Variants in TAFA4 observed in about 807,000 individuals in gnomAD.
TAFA4 encodes chemokine-like protein TAFA-4.
Under a neutral mutation model 21.1 loss-of-function variants are expected in TAFA4, and 20 were observed. The ratio of observed to expected loss-of-function variants is 0.95; its 90% CI spans 0.67 to 1.38. The LOEUF (loss-of-function observed/expected upper bound fraction) is 1.38. Among genes scored for constraint, TAFA4 ranks in the 40% most tolerant of loss-of-function variants. The pLI is 0.00. For missense variants in TAFA4, 211 were observed against 180.9 expected (o/e 1.17, Z -0.95); for synonymous variants, 71 against 67.4 (o/e 1.05, Z -0.26).
rs369649050 is a variant in TAFA4, at chr3:68,732,966, C to A, written c.*176G>T. ...GTTATAATTCAATGAAATAAAATCACGAAGCAGAGAGGGCTGGGCCAGTTA... is the reference window on the plus strand; with the variant it reads ...GTTATAATTCAATGAAATAAAATCAAGAAGCAGAGAGGGCTGGGCCAGTTA... On this transcript the variant is annotated 3_prime_UTR_variant, in exon 6 of 6. Coordinates refer to ENST00000295569, the MANE Select transcript of TAFA4 (RefSeq NM_182522.5). 6.0e-6 allele frequency: 4 copies of A among 669,802 alleles called. No homozygotes were observed. Among genetic ancestry groups the A allele is most frequent in the African/African-American group, 5.4e-5 (3 of 55,254 alleles). The allele number at this position is 669,802 out of a possible 1,614,324, so 41.5% of individuals were successfully genotyped here. A position where few individuals can be genotyped will look rare whatever the true frequency, so the allele number is the denominator to read the frequency against.
chr3:68,917,145 C>A (rs1475649982), intron 1 of TAFA4, among the ~76,000 whole-genome samples: 1 of 152,060 alleles, frequency 6.6e-6, no homozygotes, highest in Non-Finnish European at 1.5e-5. Flanking sequence ...CAGCATGGGC[C>A]CTTTCATCAC....
At chr3:68,899,263 A>G (rs1399456103) in intron 1 of TAFA4, among the ~76,000 whole-genome samples, 4 of 152,210 alleles carry the variant, frequency 2.6e-5, no homozygotes, top group Non-Finnish European at 4.4e-5. Flanking sequence ...CCTCATTAAT[A>G]ATTTTTAATA....
intron 1 of TAFA4, among the ~76,000 whole-genome samples, chr3:68,909,492 T>C (rs1023511157): frequency 3.9e-5 from 6 of 152,046 alleles, no homozygotes; most frequent in African/African-American, 1.4e-4. Flanking sequence ...ACCCATGAAA[T>C]AGGAAACTGT....
intron 3 of TAFA4, among the ~76,000 whole-genome samples, chr3:68,814,943 A>G (rs1167643699): frequency 5.3e-5 from 8 of 152,234 alleles, no homozygotes; most frequent in Non-Finnish European, 8.8e-5. Flanking sequence ...CCAAAACAGC[A>G]TGGTGCAGGT....
At chr3:68,758,925 C>G (rs1405169415) in intron 3 of TAFA4, among the ~76,000 whole-genome samples, 2 of 152,138 alleles carry the variant, frequency 1.3e-5, no homozygotes, top group Non-Finnish European at 2.9e-5. Flanking sequence ...TTGTCCCATG[C>G]AATTATGGTA....
intron 3 of TAFA4, among the ~76,000 whole-genome samples, chr3:68,783,699 G>GAA (rs1197941185): frequency 0.016 from 1,400 of 89,858 alleles, 10 homozygotes; most frequent in African/African-American, 0.034. Flanking sequence ...GAGAGAGAGA[G>GAA]AGAGAGAGAA....
At chr3:68,802,454 T>TAA (rs11410576) in intron 3 of TAFA4, among the ~76,000 whole-genome samples, 131 of 144,510 alleles carry the variant, frequency 9.1e-4, no homozygotes, top group South Asian at 2.0e-3. Flanking sequence ...GGATAATTGT[T>TAA]AAAAAAAAAA....
chr3:68,777,277 CA>C (rs1314294754), intron 3 of TAFA4, among the ~76,000 whole-genome samples: 8 of 151,912 alleles, frequency 5.3e-5, no homozygotes, highest in African/African-American at 1.9e-4. Context: ...ATACATAAGG[CA>C]GTATATTATT....
intron 3 of TAFA4, among the ~76,000 whole-genome samples, chr3:68,841,662 A>G (rs1364300802): frequency 6.6e-6 from 1 of 151,864 alleles, no homozygotes; most frequent in Non-Finnish European, 1.5e-5. Flanking sequence ...CCCATCATCT[A>G]TATTAGATAT....
intron 3 of TAFA4, among the ~76,000 whole-genome samples, chr3:68,835,489 C>T (rs1300123718): frequency 6.6e-6 from 1 of 152,152 alleles, no homozygotes; most frequent in Non-Finnish European, 1.5e-5. Flanking sequence ...TAGCTGGCTT[C>T]TAGAAGGCAT....
chr3:68,814,953 T>A (rs1397863092), intron 3 of TAFA4, among the ~76,000 whole-genome samples: 3 of 152,136 alleles, frequency 2.0e-5, no homozygotes, highest in Non-Finnish European at 4.4e-5. Flanking sequence ...ATGGTGCAGG[T>A]ACCAAAACAG....
At chr3:68,921,226 G>T (rs897261735) in intron 1 of TAFA4, among the ~76,000 whole-genome samples, 1 of 152,084 alleles carries the variant, frequency 6.6e-6, no homozygotes, top group African/African-American at 2.4e-5. Flanking sequence ...CTCTGGAGAC[G>T]AAGGAGGTTA....
At chr3:68,849,925 T>C (rs554935413) in intron 3 of TAFA4, among the ~76,000 whole-genome samples, 6 of 152,216 alleles carry the variant, frequency 3.9e-5, no homozygotes, top group South Asian at 4.1e-4. Flanking sequence ...TGCAGTTTTA[T>C]TGAGGTATAA....
In TAFA4 at chr3:68,870,613, A is replaced by G. The variant is rs555532915; in HGVS notation, c.130+10117T>C. Among the ~76,000 whole-genome samples the G allele has an allele frequency of 2.4e-4, 37 of 152,128 alleles. 1 individual carries two copies. On this transcript the variant is annotated intron_variant, in intron 3 of 5. Coordinates refer to ENST00000295569, the MANE Select transcript of TAFA4 (RefSeq NM_182522.5). ...CTTTAAAGTTCTGGGATACATGTGCAGAATGTGCAGGTTTGTTACATAGGT... is the reference window on the plus strand; with the variant it reads ...CTTTAAAGTTCTGGGATACATGTGCGGAATGTGCAGGTTTGTTACATAGGT...
At chr3:68,745,434 A>C (rs1344425890) in intron 4 of TAFA4, among the ~76,000 whole-genome samples, 1 of 152,202 alleles carries the variant, frequency 6.6e-6, no homozygotes, top group African/African-American at 2.4e-5. Flanking sequence ...AAATTCGTTT[A>C]AAAGCCCCAT....
chr3:68,816,316 T>G (rs562707129), intron 3 of TAFA4, among the ~76,000 whole-genome samples: 1 of 151,162 alleles, frequency 6.6e-6, no homozygotes, highest in African/African-American at 2.4e-5. Flanking sequence ...AATGTATAAT[T>G]AAAAAAAAAT....
intron 3 of TAFA4, among the ~76,000 whole-genome samples, chr3:68,815,301 A>T (rs1703946503): frequency 6.6e-6 from 1 of 152,252 alleles, no homozygotes; most frequent in Non-Finnish European, 1.5e-5. Context: ...ACAAAAGCCA[A>T]AATTGACAAA....
intron 1 of TAFA4, among the ~76,000 whole-genome samples, chr3:68,927,641 G>A (rs1292123088): frequency 6.6e-6 from 1 of 152,174 alleles, no homozygotes; most frequent in Non-Finnish European, 1.5e-5. Context: ...GCTCATGCCT[G>A]TAGTGTCAAC....
chr3:68,748,926 C>G (rs538956685), intron 4 of TAFA4, among the ~76,000 whole-genome samples: 1 of 152,312 alleles, frequency 6.6e-6, no homozygotes, highest in East Asian at 1.9e-4. Context: ...TATCATAAAA[C>G]CATTCAGCAT....
Sources: allele counts gnomAD v4.1 joint callset (sites outside exome capture counted in the v4.1 genomes callset), GRCh38; gene constraint gnomAD v4.1.1; transcripts MANE v1.5; gene names NCBI Gene and HGNC (gene_info 2026-07-23, HGNC 2026-07-21).